NCF2: variants seen among roughly 807,000 people sequenced by gnomAD.
The protein encoded by NCF2 is neutrophil cytosol factor 2.
Under a neutral mutation model 70.9 loss-of-function variants are expected in NCF2, and 45 were observed. The ratio of observed to expected loss-of-function variants is 0.63; its 90% confidence interval spans 0.50 to 0.81. The LOEUF is 0.81. Among genes scored for constraint, NCF2 ranks in the 40% least tolerant of loss-of-function variants. The pLI, the probability that NCF2 is intolerant of heterozygous loss-of-function variation, is 0.00. For missense variants in NCF2, 522 were observed against 631.6 expected (o/e 0.83, Z 1.86); for synonymous variants, 203 against 233.6 (o/e 0.87, Z 1.19).
chr1:183,566,680 C>T (rs1382631102), intron 9 of NCF2, among the ~76,000 whole-genome samples: 1 of 152,236 alleles, frequency 6.6e-6, no homozygotes, highest in African/African-American at 2.4e-5. Context: ...CAGGAAGAGT[C>T]ACAGAGGTGG....
intron 2 of NCF2, among the ~76,000 whole-genome samples, chr1:183,586,204 C>T (rs1416798671): frequency 1.3e-5 from 2 of 152,152 alleles, no homozygotes; most frequent in Non-Finnish European, 2.9e-5. Context: ...TGTGGTGGCG[C>T]ATGCCTGTAG....
At chr1:183,567,877 G>A (rs1192652748) in intron 7 of NCF2, among the ~76,000 whole-genome samples, 1 of 152,118 alleles carries the variant, frequency 6.6e-6, no homozygotes, top group African/African-American at 2.4e-5. Context: ...GGGCTCTGAG[G>A]CTGCCCAGCT....
the NCF2 span, among the ~76,000 whole-genome samples, chr1:183,596,297 AT>A: frequency 1.3e-5 from 2 of 150,502 alleles, no homozygotes; most frequent in African/African-American, 2.5e-5. Flanking sequence ...TATAATGCCT[AT>A]TCATTTAAAG....
At chr1:183,562,374 A>G (rs1672100335) in intron 13 of NCF2, among the ~76,000 whole-genome samples, 1 of 152,108 alleles carries the variant, frequency 6.6e-6, no homozygotes, top group Non-Finnish European at 1.5e-5. Flanking sequence ...CAGACTTCCA[A>G]GAGACCCCTT....
At chr1:183,564,088 C>T (rs1419052064) in intron 10 of NCF2, 58 bp from the exon 11 acceptor site, 34 of 1,518,884 alleles carry the variant, frequency 2.2e-5, no homozygotes, top group Non-Finnish European at 2.8e-5. Flanking sequence ...CATCCTTGGC[C>T]AGCCCCTGCC....
At chr1:183,582,139 A>T (rs1358317626) in intron 2 of NCF2, among the ~76,000 whole-genome samples, 1 of 152,182 alleles carries the variant, frequency 6.6e-6, no homozygotes, top group Admixed American at 6.5e-5. Flanking sequence ...GGTTCGCAAT[A>T]ATCTCAGTAT....
chr1:183,591,481 C>CTTT (rs1336269208), upstream of NCF2, among the ~76,000 whole-genome samples: 7 of 137,924 alleles, frequency 5.1e-5, no homozygotes, highest in African/African-American at 1.3e-4. Flanking sequence ...CCTGAAATAA[C>CTTT]TTTTTTTTTT....
intron 2 of NCF2, among the ~76,000 whole-genome samples, chr1:183,578,064 C>T (rs1672881866): frequency 6.6e-6 from 1 of 152,216 alleles, no homozygotes; most frequent in South Asian, 2.1e-4. Flanking sequence ...AGAGCCAGCA[C>T]CTGCCCCCTG....
chr1:183,585,618 C>T (rs934277131), intron 2 of NCF2, among the ~76,000 whole-genome samples: 1 of 46,920 alleles, frequency 2.1e-5, no homozygotes, highest in Non-Finnish European at 4.1e-5. Context: ...GGGCGAAACT[C>T]CGTCTCAAAA....
chr1:183,569,175 G>A lies in NCF2; in HGVS notation c.680C>T (p.Pro227Leu). 3 of 1,614,126 alleles carry A rather than the reference G, an allele frequency of 1.9e-6. No homozygotes were observed. Among genetic ancestry groups the A allele is most frequent in the Non-Finnish European group, 2.5e-6 (3 of 1,179,974 alleles). ...FAPLQPQAAEPPPRPKTPEIF... is the reference protein window; with the variant it reads ...FAPLQPQAAELPPRPKTPEIF... ...CTCTGGGGTTTTCGGTCTGGGTGGA[G>A]GCTCAGCTGCCTATTGAACATTCAG... The change falls in exon 7 of 15, where the codon CCT becomes CTT. Residue 227 changes from proline to leucine, a missense_variant. Coordinates refer to ENST00000367535, the MANE Select transcript of NCF2 (RefSeq NM_000433.4).
rs1408590748 is a variant in NCF2, at chr1:183,565,787, C to T, written c.925-8G>A. 6.2e-7 allele frequency: 1 copy of T among 1,613,758 alleles called. No homozygotes were observed. The highest frequency in any genetic ancestry group is 2.2e-5 in the East Asian group (1 of 44,878). On this transcript the variant is annotated splice_polypyrimidine_tract_variant and splice_region_variant and intron_variant, in intron 9 of 14. Transcript: ENST00000367535. ...CTGCGGAGAGCTTTCCTCCTGAAGG[C>T]AACAGGGAGCGACGGTCAGAACCTT...
At chr1:183,560,327 G>T in intron 13 of NCF2, 54 bp from the exon 14 acceptor site, 1 of 1,584,728 alleles carries the variant, frequency 6.3e-7, no homozygotes, top group South Asian at 1.1e-5. Context: ...AGTGAACACT[G>T]AACATCACTA....
intron 14 of NCF2, among the ~76,000 whole-genome samples, chr1:183,559,333 C>T (rs1259909538): frequency 6.6e-6 from 1 of 152,188 alleles, no homozygotes; most frequent in East Asian, 1.9e-4. Flanking sequence ...TTAGTCTGTT[C>T]ATTACAAACA....
chr1:183,575,542 C>T (rs36101819), intron 3 of NCF2, among the ~76,000 whole-genome samples: 3,311 of 152,294 alleles, frequency 0.022, 127 homozygotes, highest in African/African-American at 0.073. Context: ...ACAATTTACA[C>T]ACAGAATCAA....
Position 183,590,367 on chromosome 1 carries a change from G to C in NCF2, c.-38C>G. On this transcript the variant is annotated 5_prime_UTR_variant, in exon 1 of 15. Coordinates refer to ENST00000367535, the MANE Select transcript of NCF2 (RefSeq NM_000433.4). ...ACTAGGAGGCCAAGAGAGCTGCCAG[G>C]AGACAGAGAGAAGACAGGTTGGAGC... 6.2e-7 allele frequency: 1 copy of C among 1,612,722 alleles called. No homozygotes were observed. Among genetic ancestry groups the C allele is most frequent in the Middle Eastern group, 1.7e-4 (1 of 6,058 alleles).
Position 183,560,150 on chromosome 1 carries a change from G to T in NCF2, c.1414C>A (p.Gln472Lys). ...VEALFSYEAT[Q>K]PEDLEFQEGD... ...TCCTGAAACTCCAGGTCCTCTGGTT[G>T]GGTAGCCTCATAACTGAAGAGTGCC... Residue 472 changes from glutamine (Q) to lysine (K), a missense_variant, in exon 14 of 15, where the codon CAA becomes AAA. Gln to Lys is a moderately conservative substitution (Grantham distance 53). Transcript: ENST00000367535. 1 of 1,614,120 alleles carries T rather than the reference G, an allele frequency of 6.2e-7. No homozygotes were observed. The highest frequency in any genetic ancestry group is 8.5e-7 in the Non-Finnish European group (1 of 1,180,016).
At chr1:183,565,631 G>A in intron 10 of NCF2, 73 bp downstream of exon 10, 1 of 1,446,646 alleles carries the variant, frequency 6.9e-7, no homozygotes, top group Non-Finnish European at 9.7e-7. Flanking sequence ...CTGGAAGGCA[G>A]GGAGAGGAAC....
the NCF2 span, among the ~76,000 whole-genome samples, chr1:183,597,581 C>G: frequency 1.3e-5 from 2 of 152,086 alleles, no homozygotes; most frequent in African/African-American, 4.8e-5. Flanking sequence ...ACATAGTACC[C>G]GATAGGTGGT....
At chr1:183,597,248 G>A in the NCF2 span, among the ~76,000 whole-genome samples, 1 of 152,122 alleles carries the variant, frequency 6.6e-6, no homozygotes, top group African/African-American at 2.4e-5. Context: ...TTTTACATGT[G>A]TTCAAAACTC....
Sources: gnomAD v4.1 joint callset for allele counts (sites outside exome capture counted in the v4.1 genomes callset) on GRCh38, gnomAD v4.1.1 for gene constraint, MANE v1.5 for transcripts, NCBI Gene and HGNC (gene_info 2026-07-23, HGNC 2026-07-21) for gene names.